Variants in RUVBL1 observed in about 807,000 individuals in gnomAD.
The protein encoded by RUVBL1 is RuvB like AAA ATPase 1, also known as ruvB-like 1.
A neutral mutation model predicts 52.4 loss-of-function variants in RUVBL1; 4 were observed. The observed-to-expected ratio is 0.08, with a 90% CI of 0.04 to 0.17. The LOEUF is 0.17. Ranked by LOEUF, RUVBL1 falls within the 10% of genes least tolerant of loss-of-function variation. The pLI is 1.00. For synonymous variants in RUVBL1, 217 were observed against 214.4 expected (o/e 1.01, Z -0.10); for missense variants, 298 against 572.8 (o/e 0.52, Z 4.90).
chr3:128,141,209 TG>T (rs1944016223), intron 1 of RUVBL1, among the ~76,000 whole-genome samples: 1 of 152,174 alleles, frequency 6.6e-6, no homozygotes, highest in African/African-American at 2.4e-5. Context: ...TCACCAAGGC[TG>T]GGGAAATCTG....
intron 1 of RUVBL1, among the ~76,000 whole-genome samples, chr3:128,148,097 G>A (rs1944130379): frequency 6.6e-6 from 1 of 151,588 alleles, no homozygotes. Flanking sequence ...GGTTAAAGGT[G>A]TAGGAGGGGT....
chr3:128,091,575 C>T (rs1426839238), intron 8 of RUVBL1, among the ~76,000 whole-genome samples: 1 of 152,198 alleles, frequency 6.6e-6, no homozygotes, highest in Non-Finnish European at 1.5e-5. Flanking sequence ...GAATCCAATA[C>T]AGCGTATCTA....
Position 128,106,546 on chromosome 3 carries a change from G to A in RUVBL1, c.362-1622C>T, listed in dbSNP as rs201073623. On this transcript the variant is annotated intron_variant, in intron 3 of 10. Coordinates refer to ENST00000322623, the MANE Select transcript of RUVBL1 (RefSeq NM_003707.3). Reference sequence around the variant, plus strand: ...TTCCACTGGCACAGCAGCAGCCCACGGCAATGCCATAACTTGCAGACCTTG... The same window carrying A: ...TTCCACTGGCACAGCAGCAGCCCACAGCAATGCCATAACTTGCAGACCTTG... Among the ~76,000 whole-genome samples, 569 of 151,996 alleles carry A rather than the reference G, an allele frequency of 3.7e-3. 2 individuals are homozygous for A. Among genetic ancestry groups the A allele is most frequent in the Non-Finnish European group, 5.4e-3 (369 of 68,000 alleles).
At chr3:128,150,217 G>C (rs749719705) in intron 1 of RUVBL1, among the ~76,000 whole-genome samples, 5 of 152,002 alleles carry the variant, frequency 3.3e-5, no homozygotes, top group African/African-American at 1.2e-4. Context: ...ATCCACAGTT[G>C]TATCCCTCCA....
At chr3:128,151,632 G>A (rs1255247703) in intron 1 of RUVBL1, among the ~76,000 whole-genome samples, 1 of 152,006 alleles carries the variant, frequency 6.6e-6, no homozygotes, top group African/African-American at 2.4e-5. Flanking sequence ...CAAAGATTCT[G>A]TTCTCTTCTT....
chr3:128,064,828 T>C (rs1266934761), exon 10 of RUVBL1: 4 of 1,502,546 alleles, frequency 2.7e-6, no homozygotes, highest in Non-Finnish European at 3.6e-6. Flanking sequence ...TAGAAGCAAA[T>C]TGAGTTGCCT....
downstream of RUVBL1, among the ~76,000 whole-genome samples, chr3:128,077,674 C>G (rs531471767): frequency 8.9e-4 from 135 of 152,334 alleles, no homozygotes; most frequent in Non-Finnish European, 1.6e-3. Flanking sequence ...CGTGCTACCC[C>G]CTCTGCTCTT....
In RUVBL1 at chr3:128,082,620, G is replaced by A. The variant is rs768291422; in HGVS notation, c.1120-46C>T. 2.8e-6 allele frequency: 4 copies of A among 1,435,482 alleles called. No homozygotes were observed. In the Admixed American group the frequency reaches 7.2e-5, roughly 26 times the overall value. 88.9% of individuals were successfully genotyped at this position (1,435,482 alleles called of 1,614,324 possible). On this transcript the variant is annotated intron_variant, in intron 9 of 10. Coordinates refer to ENST00000322623, the MANE Select transcript of RUVBL1 (RefSeq NM_003707.3). The surrounding 1 kb of genome is among the most constrained non-coding windows in gnomAD (Gnocchi z 4.7). ...TGATCAACGGTGACTGACCTCAAGTGCCCCATTTCTAAAGTGCTTTAAAGA... is the reference window on the plus strand; with the variant it reads ...TGATCAACGGTGACTGACCTCAAGTACCCCATTTCTAAAGTGCTTTAAAGA...
At chr3:128,066,109 T>C (rs1321509358) in intron 9 of RUVBL1, among the ~76,000 whole-genome samples, 1 of 152,132 alleles carries the variant, frequency 6.6e-6, no homozygotes, top group East Asian at 1.9e-4. Flanking sequence ...CTCATAAAAA[T>C]AAACCCTTTC....
Position 128,066,884 on chromosome 3 carries a change from C to T in RUVBL1, c.940-1664G>A, listed in dbSNP as rs998759340. On this transcript the variant is annotated intron_variant, in intron 9 of 9. Coordinates refer to the RUVBL1 transcript ENST00000464873. ...TGTGGCCCACTGGACAGTCCCCGGC[C>T]GGGCTGTGTTTCTGTGCAGCAGGCT... 4.4e-5 allele frequency: 66 copies of T among 1,493,636 alleles called. 1 individual carries two copies. The highest frequency in any genetic ancestry group is 7.0e-5 in the South Asian group (6 of 86,110). The allele number at this position is 1,493,636 out of a possible 1,614,324, so 92.5% of individuals were successfully genotyped here. A position where few individuals can be genotyped will look rare whatever the true frequency, so the allele number is the denominator to read the frequency against.
At chr3:128,120,080 A>C (rs1281717357) in intron 1 of RUVBL1, among the ~76,000 whole-genome samples, 1 of 152,238 alleles carries the variant, frequency 6.6e-6, no homozygotes, top group Non-Finnish European at 1.5e-5. Flanking sequence ...GTATGAGTAC[A>C]AGTGGGAACA....
rs150138189 is a variant in RUVBL1, at chr3:128,131,418, C to T, written c.-39-12004G>A. 4.6e-3 allele frequency among the ~76,000 whole-genome samples: 693 copies of T among 152,236 alleles called. 4 individuals carry two copies. Among genetic ancestry groups the T allele is most frequent in the African/African-American group, 0.015 (611 of 41,548 alleles). On this transcript the variant is annotated intron_variant, in intron 1 of 9. Coordinates refer to the RUVBL1 transcript ENST00000464873. The stretch of plus-strand genomic sequence containing the variant: ...ACTTGAACCTGGGAGGTGGTGGTTG[C>T]AGTGAGCCAAGATCACGTCACTGCA...
At chr3:128,120,316 T>C (rs755592885) in intron 1 of RUVBL1, among the ~76,000 whole-genome samples, 5 of 152,232 alleles carry the variant, frequency 3.3e-5, no homozygotes, top group Non-Finnish European at 7.3e-5. Flanking sequence ...GTTAAACCTA[T>C]GGCACTATTA....
chr3:128,066,099 C>T (rs1315935727), intron 9 of RUVBL1, among the ~76,000 whole-genome samples: 1 of 151,998 alleles, frequency 6.6e-6, no homozygotes, highest in Non-Finnish European at 1.5e-5. Flanking sequence ...GTACTGGGAG[C>T]TCATAAAAAT....
chr3:128,104,054 TAAAG>T (rs1364201942), intron 4 of RUVBL1, among the ~76,000 whole-genome samples: 11 of 152,148 alleles, frequency 7.2e-5, no homozygotes, highest in Non-Finnish European at 7.4e-5. Flanking sequence ...ATTCAACAAA[TAAAG>T]AAACTACTAC....
At chr3:128,111,610 T>C (rs942252538) in intron 3 of RUVBL1, among the ~76,000 whole-genome samples, 2 of 152,114 alleles carry the variant, frequency 1.3e-5, no homozygotes, top group Non-Finnish European at 2.9e-5. Flanking sequence ...TCACCCTCCT[T>C]ACTATCCACT....
intron 1 of RUVBL1, chr3:128,153,180 A>G: frequency 2.4e-6 from 3 of 1,242,638 alleles, no homozygotes; most frequent in Non-Finnish European, 3.0e-6. Flanking sequence ...AGCTATAGAA[A>G]AGTTCTCCAA....
intron 1 of RUVBL1, among the ~76,000 whole-genome samples, chr3:128,145,543 C>T (rs372547260): frequency 4.6e-5 from 7 of 152,248 alleles, no homozygotes; most frequent in African/African-American, 1.7e-4. Flanking sequence ...AAGTAGCCCG[C>T]GGGCGAGTGT....
chr3:128,119,282 G>T, intron 2 of RUVBL1, 46 bp downstream of exon 2: 1 of 1,484,604 alleles, frequency 6.7e-7, no homozygotes, highest in Non-Finnish European at 9.4e-7. Flanking sequence ...TTAGACACTA[G>T]GATCATTCTC....
Sources: allele counts gnomAD v4.1 joint callset (sites outside exome capture counted in the v4.1 genomes callset), GRCh38; gene constraint gnomAD v4.1.1; non-coding constraint Gnocchi (gnomAD v3.1); transcripts MANE v1.5; gene names NCBI Gene and HGNC (gene_info 2026-07-23, HGNC 2026-07-21).